The following SNPH variants were observed in gnomAD, a reference collection of about 807,000 sequenced individuals.
The protein encoded by SNPH is syntaphilin.
A neutral mutation model predicts 36.8 loss-of-function variants in SNPH; 10 were observed. The observed-to-expected ratio is 0.27, with a 90% confidence interval of 0.17 to 0.46. The LOEUF is 0.46. Among genes scored for constraint, SNPH ranks in the 20% least tolerant of loss-of-function variants. The probability of loss-of-function intolerance (pLI) is 1.00; values close to 1 mark genes in which losing one functional copy is unlikely to be tolerated. For missense variants in SNPH, 622 were observed against 744.0 expected (o/e 0.84, Z 1.91); for synonymous variants, 281 against 312.2 (o/e 0.90, Z 1.05).
chr20:1,307,088 C>T lies in SNPH; in HGVS notation c.*1034C>T, dbSNP rs1168579374. The T allele has an allele frequency of 1.3e-5, 2 of 152,724 alleles. No individual in the cohort carries two copies. Among genetic ancestry groups the T allele is most frequent in the Admixed American group, 1.3e-4 (2 of 15,284 alleles). The allele number at this position is 152,724 out of a possible 1,614,324, so 9.5% of individuals were successfully genotyped here. On this transcript the variant is annotated 3_prime_UTR_variant, in exon 7 of 7. Coordinates refer to ENST00000381867, the MANE Select transcript of SNPH (RefSeq NM_001318234.2). ...CCCAACTTCTGCTTTGCACTATGTT[C>T]ACTTTGGGGTTGGTTCTCAGCCATC...
chr20:1,276,003 C>T lies in SNPH; in HGVS notation c.-493+9243C>T, dbSNP rs1047878458. ...CACTGTCTTTCAGGGGACCCACTTC[C>T]AACTCCCACAGCTCCTTCACAGAGC... On this transcript the variant is annotated intron_variant, in intron 2 of 6. Transcript: ENST00000381867. The surrounding 1 kb of genome is among the most constrained non-coding windows in gnomAD (Gnocchi z 4.6). 1.9e-4 allele frequency among the ~76,000 whole-genome samples: 29 copies of T among 152,222 alleles called. No homozygotes were observed. The highest frequency in any genetic ancestry group is 5.1e-4 in the African/African-American group (21 of 41,454).
At chr20:1,297,313 G>A (rs2088450993) in intron 5 of SNPH, 61 bp downstream of exon 5, 4 of 1,539,924 alleles carry the variant, frequency 2.6e-6, no homozygotes, top group South Asian at 2.3e-5. Context: ...GTCCTGGGGT[G>A]GGAGAGGTAA....
chr20:1,268,712 G>A (rs80152368), intron 2 of SNPH, among the ~76,000 whole-genome samples: 3,582 of 150,606 alleles, frequency 0.024, 145 homozygotes, highest in African/African-American at 0.082. Flanking sequence ...TAGGTGCTCC[G>A]TAAGTGTTGA....
At position 1,290,140 on chromosome 20, in the gene SNPH, A is replaced by G. The variant is rs893316709; in HGVS notation, c.-492-4811A>G. The stretch of plus-strand genomic sequence containing the variant: ...GTCATGAGAATCACTTGAACCCGGG[A>G]GGCGGAGGTTGCAGTGAGCTGAGAT... On this transcript the variant is annotated intron_variant, in intron 2 of 6. Transcript: ENST00000381867. 4.6e-5 allele frequency among the ~76,000 whole-genome samples: 7 copies of G among 151,376 alleles called. No individual in the cohort carries two copies. In the East Asian group the frequency reaches 1.4e-3, roughly 29 times the overall value.
At chr20:1,283,266 C>A (rs2088247065) in intron 2 of SNPH, among the ~76,000 whole-genome samples, 1 of 152,182 alleles carries the variant, frequency 6.6e-6, no homozygotes, top group Non-Finnish European at 1.5e-5. Flanking sequence ...GCCCTGGATT[C>A]AGAGCCGTAA....
At chr20:1,269,970 A>G (rs1276682477) in intron 2 of SNPH, among the ~76,000 whole-genome samples, 7 of 152,224 alleles carry the variant, frequency 4.6e-5, no homozygotes, top group African/African-American at 1.7e-4. Context: ...AACCTAGAAA[A>G]TGTTTAGCTG....
chr20:1,281,211 T>C lies in SNPH; in HGVS notation c.-492-13740T>C, dbSNP rs541382172. Among the ~76,000 whole-genome samples the C allele has an allele frequency of 2.0e-5, 3 of 152,324 alleles. No homozygotes were observed. In the South Asian group the frequency reaches 6.2e-4, roughly 32 times the overall value. ...CAAGAGTCTACTTCCTAAATTTCTC[T>C]TGAAGCCACCTTTACTTCTGTCACC... On this transcript the variant is annotated intron_variant, in intron 2 of 6. Coordinates refer to ENST00000381867, the MANE Select transcript of SNPH (RefSeq NM_001318234.2).
At chr20:1,287,897 A>G (rs1370086677) in intron 2 of SNPH, among the ~76,000 whole-genome samples, 1 of 152,200 alleles carries the variant, frequency 6.6e-6, no homozygotes, top group East Asian at 1.9e-4. Context: ...AAGGGCCTCC[A>G]TCTGCCAGGA....
rs778626429 is a variant in SNPH at position 1,305,328 on chromosome 20, C to T, written c.891C>T (p.Ser297=). 6.8e-6 allele frequency: 11 copies of T among 1,610,548 alleles called. No homozygotes were observed. Among genetic ancestry groups the T allele is most frequent in the Non-Finnish European group, 9.3e-6 (11 of 1,179,468 alleles). The stretch of plus-strand genomic sequence containing the variant: ...TTGCAGCAGCCGATGACACACTGAG[C>T]CGGACGGACGCGCTGGAAGCCAGCA... The part of the protein sequence containing the change: ...SGFAAADDTL[S]RTDALEASSL... The change falls in exon 7 of 7, where the codon AGC becomes AGT. Residue 297 remains serine (S), a synonymous_variant. Transcript: ENST00000381867.
intron 5 of SNPH, among the ~76,000 whole-genome samples, chr20:1,298,524 G>A (rs967872838): frequency 1.3e-5 from 2 of 152,244 alleles, no homozygotes; most frequent in East Asian, 3.8e-4. Flanking sequence ...GGACATAGGA[G>A]TAAAGCATTA....
chr20:1,304,054 C>T lies in SNPH; in HGVS notation c.441-824C>T, dbSNP rs559763111. Among the ~76,000 whole-genome samples the T allele has an allele frequency of 7.2e-5, 11 of 152,238 alleles. No homozygotes were observed. The highest frequency in any genetic ancestry group is 2.6e-4 in the African/African-American group (11 of 41,518). ...TGCACCCCTGGATTCATCTGTGACT[C>T]GGGAATTTGAAAAGCCTGAGCATTT... On this transcript the variant is annotated intron_variant, in intron 6 of 6. Transcript: ENST00000381867. The surrounding 1 kb of genome is among the most constrained non-coding windows in gnomAD (Gnocchi z 4.3).
rs115288545 is a variant in SNPH, at chr20:1,282,006, G to A, written c.-492-12945G>A. Among the ~76,000 whole-genome samples the A allele has an allele frequency of 2.4e-3, 359 of 152,356 alleles. 2 individuals carry two copies. Among genetic ancestry groups the A allele is most frequent in the African/African-American group, 8.2e-3 (340 of 41,576 alleles). On this transcript the variant is annotated intron_variant, in intron 2 of 6. Transcript: ENST00000381867. ...GGGTGAAGATACTTGCCACAGGGCC[G>A]GAGAGACATGGAAAAATCATCTTGG...
intron 2 of SNPH, among the ~76,000 whole-genome samples, chr20:1,270,418 CT>C (rs2088059010): frequency 6.6e-6 from 1 of 152,026 alleles, no homozygotes; most frequent in Admixed American, 6.6e-5. Context: ...GTCAGGAAGG[CT>C]TTAGAGAGAT....
intron 2 of SNPH, among the ~76,000 whole-genome samples, chr20:1,268,106 C>T (rs2088029772): frequency 6.6e-6 from 1 of 152,180 alleles, no homozygotes. Flanking sequence ...GGTGTCCCTG[C>T]CAGGGGTAAT....
rs2088544035 is a variant in SNPH, at chr20:1,304,663, C to A, written c.441-215C>A. 6.6e-6 allele frequency among the ~76,000 whole-genome samples: 1 copy of A among 152,070 alleles called. No individual in the cohort carries two copies. Among genetic ancestry groups the A allele is most frequent in the Admixed American group, 6.5e-5 (1 of 15,268 alleles). ...CCTTTCTTCTCTCTCCAGGCAGAGG[C>A]TTCTCCTGTCTTCACCCCTCAGCCC... On this transcript the variant is annotated intron_variant, in intron 6 of 6. Coordinates refer to ENST00000381867, the MANE Select transcript of SNPH (RefSeq NM_001318234.2). This position sits in a 1 kb window ranked among gnomAD's most constrained non-coding sequence, Gnocchi z 4.3.
intron 2 of SNPH, among the ~76,000 whole-genome samples, chr20:1,284,211 C>T (rs1486889889): frequency 6.6e-6 from 1 of 152,192 alleles, no homozygotes; most frequent in South Asian, 2.1e-4. Flanking sequence ...CTAAATAGAA[C>T]ACTGTGTGTA....
Position 1,295,875 on chromosome 20 carries a change from G to T in SNPH, c.-365G>T, listed in dbSNP as rs756043844. 199 of 215,646 alleles carry T rather than the reference G, an allele frequency of 9.2e-4. No homozygotes were observed. Among genetic ancestry groups the T allele is most frequent in the Non-Finnish European group, 1.6e-3 (179 of 110,268 alleles). 13.4% of individuals were successfully genotyped at this position (215,646 alleles called of 1,614,324 possible). On this transcript the variant is annotated 5_prime_UTR_variant, in exon 4 of 7. Transcript: ENST00000381867. ...CTGGTCCTGCTCCAGGAGTCCTACA[G>T]CCTGCAGCCCCTACCAGAGAGGGAG...
Position 1,309,008 on chromosome 20 carries a change from C to A in SNPH, c.*2954C>A, listed in dbSNP as rs1011454790. On this transcript the variant is annotated 3_prime_UTR_variant, in exon 7 of 7. Transcript: ENST00000381867. ...GGGATCACTTAGCTTCTCACTGACACACCCTTCCCAATTGCCACAAGCGCA... is the reference window on the plus strand; with the variant it reads ...GGGATCACTTAGCTTCTCACTGACAAACCCTTCCCAATTGCCACAAGCGCA... 1.3e-5 allele frequency: 2 copies of A among 152,310 alleles called. No homozygotes were observed. Among genetic ancestry groups the A allele is most frequent in the Non-Finnish European group, 2.9e-5 (2 of 68,090 alleles). The allele number at this position is 152,310 out of a possible 1,614,324, so 9.4% of individuals were successfully genotyped here.
chr20:1,278,096 ATGTGTGTGTCTGTTTG>A (rs1190892173), intron 2 of SNPH, among the ~76,000 whole-genome samples: 2 of 72,804 alleles, frequency 2.7e-5, no homozygotes, highest in African/African-American at 7.0e-5. Context: ...GTGTGTGCCT[ATGTGTGTGTCTGTTTG>A]TGTGTGTATC....
Sources: allele counts gnomAD v4.1 joint callset (sites outside exome capture counted in the v4.1 genomes callset), GRCh38; gene constraint gnomAD v4.1.1; non-coding constraint Gnocchi (gnomAD v3.1); transcripts MANE v1.5; gene names NCBI Gene and HGNC (gene_info 2026-07-23, HGNC 2026-07-21).